Variants in CEP72 observed in about 807,000 individuals in gnomAD.
CEP72 encodes centrosomal protein of 72 kDa.
A neutral mutation model predicts 65.7 loss-of-function variants in CEP72; 78 were observed. The observed-to-expected ratio is 1.19, with a 90% CI of 0.99 to 1.43. The LOEUF (loss-of-function observed/expected upper bound fraction) is 1.43, where lower values mean the gene tolerates loss of function less well. CEP72 is among the 40% of genes most tolerant of loss of function. The pLI, the probability that CEP72 is intolerant of heterozygous loss-of-function variation, is 0.00. For missense variants in CEP72, 914 were observed against 832.9 expected (o/e 1.10, Z -1.20); for synonymous variants, 358 against 351.7 (o/e 1.02, Z -0.20).
chr5:666,166 C>G (rs749320907), intron 4 of CEP72: 6 of 1,549,900 alleles, frequency 3.9e-6, no homozygotes, highest in Admixed American at 1.8e-5. Flanking sequence ...CGGGCCGGCC[C>G]AGGGCTGCCC....
At chr5:629,007 T>C (rs1263015588) in intron 4 of CEP72, among the ~76,000 whole-genome samples, 2 of 151,894 alleles carry the variant, frequency 1.3e-5, no homozygotes, top group African/African-American at 4.8e-5. Context: ...TGCAGCGTTC[T>C]GGAGAACTCA....
downstream of CEP72, among the ~76,000 whole-genome samples, chr5:654,024 A>AGT (rs70955273): frequency 0.7 from 98,638 of 141,810 alleles, 34,237 homozygotes; most frequent in African/African-American, 0.88. Context: ...TGTGTGCGCT[A>AGT]GTGTGCGCTT....
chr5:625,163 G>A (rs985191025), intron 4 of CEP72, among the ~76,000 whole-genome samples: 1 of 150,886 alleles, frequency 6.6e-6, no homozygotes. Flanking sequence ...GTCTATGTTC[G>A]GTTGATAGTA....
intron 6 of CEP72, among the ~76,000 whole-genome samples, chr5:637,223 G>A (rs559525553): frequency 1.3e-5 from 2 of 152,336 alleles, no homozygotes; most frequent in East Asian, 1.9e-4. Flanking sequence ...GTGAACACGC[G>A]AAGCTGGGCG....
the CEP72 span, among the ~76,000 whole-genome samples, chr5:674,508 G>A: frequency 4.6e-5 from 7 of 152,200 alleles, no homozygotes; most frequent in South Asian, 6.2e-4. Context: ...CCCGGGACAC[G>A]TCCCCTTGGC....
Position 647,788 on chromosome 5 carries a change from T to C in CEP72, c.1667-17T>C. The C allele has an allele frequency of 6.4e-7, 1 of 1,571,346 alleles. No homozygotes were observed. Among genetic ancestry groups the C allele is most frequent in the Non-Finnish European group, 8.7e-7 (1 of 1,152,142 alleles). ...TTTTACTCATTAATGGTACTTTTTT[T>C]TTTCTTTCTCTTTCAGGACTTCAAA... is the stretch of plus-strand genomic sequence containing the variant. On this transcript the variant is annotated splice_polypyrimidine_tract_variant and intron_variant, in intron 10 of 11. Transcript: ENST00000264935.
chr5:667,605 C>G (rs1046820406), downstream of CEP72, among the ~76,000 whole-genome samples: 38 of 152,068 alleles, frequency 2.5e-4, no homozygotes, highest in Non-Finnish European at 4.7e-4. Context: ...CAGAAGACAC[C>G]GTTAAGGGAA....
chr5:674,453 T>C, the CEP72 span, among the ~76,000 whole-genome samples: 126 of 151,088 alleles, frequency 8.3e-4, 2 homozygotes, highest in African/African-American at 3.0e-3. Context: ...TGCTTCTGCG[T>C]GGGCTAAATA....
At chr5:627,477 G>A (rs1395808236) in intron 4 of CEP72, among the ~76,000 whole-genome samples, 5 of 152,192 alleles carry the variant, frequency 3.3e-5, no homozygotes, top group Non-Finnish European at 7.3e-5. Flanking sequence ...ATTGGGGAAC[G>A]GACTTGGTGG....
At chr5:649,464 TGACTGTGAGGTGTGACTGTGAGGTGTG>T (rs1738762739) in intron 11 of CEP72, among the ~76,000 whole-genome samples, 1 of 54,644 alleles carries the variant, frequency 1.8e-5, no homozygotes, top group African/African-American at 8.9e-5. Flanking sequence ...CTGTGAGGTG[TGACTGTGAGGTGTGACTGTGAGGTGTG>T]GACTGTGAGG....
intron 6 of CEP72, 118 bp from the exon 7 acceptor site, chr5:637,397 TGC>T (rs1195049859): frequency 1.6e-4 from 125 of 790,740 alleles, no homozygotes; most frequent in Admixed American, 2.7e-4. Flanking sequence ...TATGTAAGTG[TGC>T]GTGTGTGTCC....
intron 11 of CEP72, among the ~76,000 whole-genome samples, chr5:650,358 A>G (rs866459478): frequency 9.5e-6 from 1 of 104,840 alleles, no homozygotes; most frequent in African/African-American, 4.0e-5. Context: ...GTGGACTGTG[A>G]GGTGTGACTG....
intron 6 of CEP72, among the ~76,000 whole-genome samples, 162 bp from the exon 7 acceptor site, chr5:637,355 T>G (rs1199293448): frequency 3.3e-5 from 5 of 152,196 alleles, no homozygotes; most frequent in Admixed American, 6.5e-5. Context: ...TGTATGGATG[T>G]ATGTATGCAC....
At chr5:675,203 T>G in the CEP72 span, among the ~76,000 whole-genome samples, 61 of 35,494 alleles carry the variant, frequency 1.7e-3, no homozygotes, top group African/African-American at 3.1e-3. Flanking sequence ...GGCCAGGGGT[T>G]CAGTGTAGCC....
chr5:628,863 CA>C (rs1736995714), intron 4 of CEP72, among the ~76,000 whole-genome samples: 1 of 110,278 alleles, frequency 9.1e-6, no homozygotes, highest in Non-Finnish European at 1.8e-5. Context: ...CTTCTTTGTG[CA>C]GCGTTCTGGA....
chr5:643,580 G>A (rs1054741913), intron 9 of CEP72: 18 of 985,246 alleles, frequency 1.8e-5, no homozygotes, highest in Non-Finnish European at 8.4e-6. Context: ...AGACTCAGGC[G>A]CTCCCTCCCC....
intron 11 of CEP72, 38 bp from the exon 12 acceptor site, chr5:652,950 C>T (rs755524921): frequency 1.1e-4 from 174 of 1,560,576 alleles, no homozygotes; most frequent in Middle Eastern, 8.4e-4. Flanking sequence ...CTGGAGAGGA[C>T]GGAAGTGCCA....
intron 1 of CEP72, among the ~76,000 whole-genome samples, chr5:616,846 G>T (rs1479254242): frequency 6.6e-6 from 1 of 151,724 alleles, no homozygotes; most frequent in Non-Finnish European, 1.5e-5. Flanking sequence ...GCGAGTGGGG[G>T]TTTGCTTGCA....
At chr5:646,814 C>T (rs541784067) in intron 10 of CEP72, among the ~76,000 whole-genome samples, 34 of 152,326 alleles carry the variant, frequency 2.2e-4, no homozygotes, top group African/African-American at 7.0e-4. Context: ...CCACTGCTGA[C>T]GGCTGCCTCA....
Sources: gnomAD v4.1 joint callset for allele counts (sites outside exome capture counted in the v4.1 genomes callset) on GRCh38, gnomAD v4.1.1 for gene constraint, MANE v1.5 for transcripts, NCBI Gene and HGNC (gene_info 2026-07-23, HGNC 2026-07-21) for gene names.